DTNA: variants seen among roughly 807,000 people sequenced by gnomAD.
The protein encoded by DTNA is dystrobrevin alpha.
A neutral mutation model predicts 100.7 loss-of-function variants in DTNA; 43 were observed. That is an observed-to-expected ratio of 0.43 (90% CI 0.33 to 0.55). DTNA has a LOEUF of 0.55. Among genes scored for constraint, DTNA ranks in the 20% least tolerant of loss-of-function variants. The probability of loss-of-function intolerance (pLI) is 0.04; values close to 1 mark genes in which losing one functional copy is unlikely to be tolerated. For synonymous variants in DTNA, 349 were observed against 347.9 expected (o/e 1.00, Z -0.04); for missense variants, 798 against 953.9 (o/e 0.84, Z 2.15).
At chr18:34,666,083 T>G (rs2075882152) in intron 1 of DTNA, among the ~76,000 whole-genome samples, 1 of 152,194 alleles carries the variant, frequency 6.6e-6, no homozygotes, top group Non-Finnish European at 1.5e-5. Flanking sequence ...CTCCAGCATC[T>G]GTTGTTTCCT....
At chr18:34,868,745 T>C (rs2096734316) in intron 17 of DTNA, 2 of 985,152 alleles carry the variant, frequency 2.0e-6, no homozygotes, top group African/African-American at 3.5e-5. Context: ...TTAAAAAAAA[T>C]AGTGCCTGTA....
At chr18:34,829,088 C>A (rs750701143) in intron 10 of DTNA, 1 of 1,614,138 alleles carries the variant, frequency 6.2e-7, no homozygotes, top group South Asian at 1.1e-5. Context: ...AACATGACTT[C>A]TTCTACCCTA....
chr18:34,529,153 A>G (rs1366275939), intron 1 of DTNA, among the ~76,000 whole-genome samples: 3 of 152,162 alleles, frequency 2.0e-5, no homozygotes, highest in Admixed American at 6.6e-5. Flanking sequence ...TTGTTTGAGC[A>G]ACGGAACCCA....
intron 1 of DTNA, among the ~76,000 whole-genome samples, chr18:34,750,834 T>A (rs1263906554): frequency 6.6e-6 from 1 of 152,238 alleles, no homozygotes; most frequent in Non-Finnish European, 1.5e-5. Flanking sequence ...ATGGATGGTG[T>A]TGGATGAAAG....
intron 1 of DTNA, among the ~76,000 whole-genome samples, chr18:34,683,894 A>C (rs890552742): frequency 6.6e-6 from 1 of 152,150 alleles, no homozygotes; most frequent in African/African-American, 2.4e-5. Flanking sequence ...TATATACTAC[A>C]TAATATGTAA....
chr18:34,556,072 T>C (rs1379869026), intron 1 of DTNA, among the ~76,000 whole-genome samples: 1 of 151,482 alleles, frequency 6.6e-6, no homozygotes, highest in Admixed American at 6.6e-5. Context: ...GGTGCATATA[T>C]ATTTAGGATA....
At chr18:34,855,814 TC>T (rs1454801348) in intron 15 of DTNA, among the ~76,000 whole-genome samples, 1 of 152,208 alleles carries the variant, frequency 6.6e-6, no homozygotes, top group Non-Finnish European at 1.5e-5. Flanking sequence ...AACCTACTCT[TC>T]CACTTCTTCA....
chr18:34,548,621 C>T (rs2045061245), intron 1 of DTNA, among the ~76,000 whole-genome samples: 1 of 151,844 alleles, frequency 6.6e-6, no homozygotes, highest in South Asian at 2.1e-4. Flanking sequence ...CTGTGCACAC[C>T]CTCCTTCCCT....
intron 1 of DTNA, among the ~76,000 whole-genome samples, chr18:34,532,664 C>T (rs955820880): frequency 3.9e-5 from 6 of 151,966 alleles, no homozygotes; most frequent in African/African-American, 7.2e-5. Flanking sequence ...CAGCATGTAT[C>T]GCACTGTGTT....
At chr18:34,688,980 T>G (rs1450440428) in intron 1 of DTNA, among the ~76,000 whole-genome samples, 1 of 152,260 alleles carries the variant, frequency 6.6e-6, no homozygotes, top group South Asian at 2.1e-4. Context: ...GGTGCTGTGT[T>G]TTTCACCTCC....
intron 4 of DTNA, among the ~76,000 whole-genome samples, chr18:34,804,233 T>C (rs1298311121): frequency 3.9e-5 from 6 of 152,178 alleles, no homozygotes; most frequent in Admixed American, 2.6e-4. Flanking sequence ...TTGAACAGTT[T>C]GACCATGGTG....
intron 1 of DTNA, among the ~76,000 whole-genome samples, chr18:34,550,553 T>A (rs893944788): frequency 1.3e-5 from 2 of 152,186 alleles, no homozygotes; most frequent in East Asian, 3.9e-4. Flanking sequence ...AATTCTTAGA[T>A]GCCTTTTGAG....
intron 7 of DTNA, among the ~76,000 whole-genome samples, chr18:34,817,193 G>A (rs956132666): frequency 6.6e-6 from 1 of 152,162 alleles, no homozygotes; most frequent in African/African-American, 2.4e-5. Context: ...CTCAAGAGCC[G>A]GGAAGAAAGG....
intron 16 of DTNA, among the ~76,000 whole-genome samples, chr18:34,863,122 G>A (rs2096650938): frequency 6.6e-6 from 1 of 152,182 alleles, no homozygotes; most frequent in African/African-American, 2.4e-5. Flanking sequence ...TAATCATTCA[G>A]TAATGGATTT....
intron 1 of DTNA, among the ~76,000 whole-genome samples, chr18:34,572,533 TA>T (rs55798438): frequency 0.1 from 15,559 of 152,160 alleles, 1,169 homozygotes; most frequent in African/African-American, 0.2. Flanking sequence ...TAACTCACTG[TA>T]AGGCACAGCA....
At chr18:34,711,495 C>A (rs1251212714) in intron 1 of DTNA, among the ~76,000 whole-genome samples, 1 of 152,012 alleles carries the variant, frequency 6.6e-6, no homozygotes, top group Non-Finnish European at 1.5e-5. Flanking sequence ...GTAGCAAAGC[C>A]CTACTGTTAT....
chr18:34,748,780 A>G (rs1416647868), intron 1 of DTNA, among the ~76,000 whole-genome samples: 2 of 152,120 alleles, frequency 1.3e-5, no homozygotes, highest in East Asian at 3.8e-4. Context: ...TTGCTTTGGC[A>G]ATGTGGGCTC....
chr18:34,829,042 TC>T (rs767137070), intron 10 of DTNA: 1 of 1,614,138 alleles, frequency 6.2e-7, no homozygotes, highest in South Asian at 1.1e-5. Flanking sequence ...TCATTTCAGC[TC>T]GGACGGTGCT....
chr18:34,734,328 G>A (rs1172533276), intron 1 of DTNA, among the ~76,000 whole-genome samples: 2 of 152,126 alleles, frequency 1.3e-5, no homozygotes, highest in African/African-American at 4.8e-5. Context: ...CTGGGGATGG[G>A]AAAGCTCTTT....
Sources: allele counts gnomAD v4.1 joint callset (sites outside exome capture counted in the v4.1 genomes callset), GRCh38; gene constraint gnomAD v4.1.1; transcripts MANE v1.5; gene names NCBI Gene and HGNC (gene_info 2026-07-23, HGNC 2026-07-21).